Variants in ARHGAP44 observed in about 807,000 individuals in gnomAD.
ARHGAP44 encodes the protein rho GTPase-activating protein 44.
In ARHGAP44, 43 loss-of-function variants were observed where a neutral mutation model predicts 106.8. That is an observed-to-expected ratio of 0.40 (90% CI 0.32 to 0.52). The LOEUF (loss-of-function observed/expected upper bound fraction) is 0.52. Ranked by LOEUF, ARHGAP44 falls within the 20% of genes least tolerant of loss-of-function variation. ARHGAP44 has a pLI of 0.48. For missense variants in ARHGAP44, 866 were observed against 1,050.5 expected (o/e 0.82, Z 2.43); for synonymous variants, 439 against 410.3 (o/e 1.07, Z -0.85).
At chr17:12,989,238 C>T (rs73296511) in intron 20 of ARHGAP44, among the ~76,000 whole-genome samples, 114 of 152,000 alleles carry the variant, frequency 7.5e-4, no homozygotes, top group African/African-American at 2.5e-3. Flanking sequence ...AGCACAGCCT[C>T]GTCAGTGTCC....
chr17:12,956,836 C>T, intron 15 of ARHGAP44, 90 bp downstream of exon 15: 1 of 1,092,378 alleles, frequency 9.2e-7, no homozygotes, highest in Non-Finnish European at 1.3e-6. Flanking sequence ...GTACCACTGC[C>T]CACAGGCTTT....
intron 1 of ARHGAP44, among the ~76,000 whole-genome samples, chr17:12,889,529 C>T (rs1284779598): frequency 2.6e-5 from 4 of 152,200 alleles, no homozygotes; most frequent in Non-Finnish European, 5.9e-5. Context: ...TTAGATCCCA[C>T]TTCTCAACAC....
chr17:12,964,283 T>C (rs919889719), intron 16 of ARHGAP44, among the ~76,000 whole-genome samples: 2 of 150,716 alleles, frequency 1.3e-5, no homozygotes, highest in Non-Finnish European at 3.0e-5. Flanking sequence ...CCTGGTCAAA[T>C]CAATTTTTTT....
chr17:12,903,281 G>A (rs1373344751), intron 3 of ARHGAP44, among the ~76,000 whole-genome samples: 2 of 151,730 alleles, frequency 1.3e-5, no homozygotes, highest in African/African-American at 4.8e-5. Context: ...AGAGAGAATA[G>A]TCATCTCAGA....
intron 1 of ARHGAP44, among the ~76,000 whole-genome samples, chr17:12,810,077 G>T (rs946259094): frequency 6.6e-6 from 1 of 151,246 alleles, no homozygotes; most frequent in African/African-American, 2.5e-5. Context: ...GGAATGGCCT[G>T]TGGGGCATTA....
rs375621000 is a variant in ARHGAP44 at position 12,967,892 on chromosome 17, A to G, written c.1524-5410A>G. On this transcript the variant is annotated intron_variant, in intron 16 of 20. Coordinates refer to ENST00000379672, the MANE Select transcript of ARHGAP44 (RefSeq NM_014859.6). Reference sequence around the variant, plus strand: ...ACGGTGTGAAAGTCATAACCCTATAAATAGCCCTGCATGCAGAGTCTTGAG... The same window carrying G: ...ACGGTGTGAAAGTCATAACCCTATAGATAGCCCTGCATGCAGAGTCTTGAG... 1.1e-3 allele frequency among the ~76,000 whole-genome samples: 170 copies of G among 152,254 alleles called. 4 individuals carry two copies. In the South Asian group the frequency reaches 0.034, roughly 30 times the overall value.
At chr17:12,963,206 G>A (rs1489467612) in intron 16 of ARHGAP44, among the ~76,000 whole-genome samples, 1 of 152,110 alleles carries the variant, frequency 6.6e-6, no homozygotes, top group Non-Finnish European at 1.5e-5. Flanking sequence ...TGTCCTCCCA[G>A]GGAGTGTTGG....
intron 19 of ARHGAP44, among the ~76,000 whole-genome samples, chr17:12,983,611 C>T (rs1169097522): frequency 1.3e-5 from 2 of 152,270 alleles, no homozygotes; most frequent in South Asian, 2.1e-4. Context: ...TCAAGACCAG[C>T]CTGACCAACA....
At chr17:12,872,844 G>A (rs1209126773) in intron 1 of ARHGAP44, among the ~76,000 whole-genome samples, 1 of 151,282 alleles carries the variant, frequency 6.6e-6, no homozygotes, top group African/African-American at 2.4e-5. Flanking sequence ...AATCATACAT[G>A]ACTTTACTTT....
intron 8 of ARHGAP44, 68 bp from the exon 9 acceptor site, chr17:12,943,520 T>C (rs767959960): frequency 4.7e-6 from 7 of 1,502,630 alleles, no homozygotes; most frequent in Middle Eastern, 1.7e-4. Context: ...TGCAAAATGC[T>C]TTGCATGCCA....
intron 1 of ARHGAP44, among the ~76,000 whole-genome samples, chr17:12,835,523 A>C (rs1189438073): frequency 6.6e-6 from 1 of 152,144 alleles, no homozygotes; most frequent in African/African-American, 2.4e-5. Context: ...AAAAAGATAA[A>C]ATGAGTATTT....
chr17:12,827,942 G>A (rs1299851113), intron 1 of ARHGAP44, among the ~76,000 whole-genome samples: 1 of 151,072 alleles, frequency 6.6e-6, no homozygotes, highest in African/African-American at 2.4e-5. Flanking sequence ...AGGAGGCTGA[G>A]GCAGGAGAAT....
Position 12,984,883 on chromosome 17 carries a change from G to C in ARHGAP44, c.2292G>C (p.Met764Ile). ...QSTEAPMLDG[M>I]SPGESMSTDL... ...CGGAGGCCCCCATGCTAGATGGCATGTCCCCTGGGGAAAGCATGTCTACAG... is the reference window on the plus strand; with the variant it reads ...CGGAGGCCCCCATGCTAGATGGCATCTCCCCTGGGGAAAGCATGTCTACAG... Residue 764 changes from methionine (M) to isoleucine (I), a missense_variant, in exon 20 of 21, where the codon ATG becomes ATC. Met to Ile is a conservative substitution (Grantham distance 10). Around this residue, in one of 2 missense-constraint regions of ARHGAP44, gnomAD observed 418 missense variants for 403.6 expected, o/e 1.04. Coordinates refer to ENST00000379672, the MANE Select transcript of ARHGAP44 (RefSeq NM_014859.6). The C allele has an allele frequency of 6.2e-7, 1 of 1,611,030 alleles. No individual in the cohort carries two copies. Among genetic ancestry groups the C allele is most frequent in the East Asian group, 2.2e-5 (1 of 44,790 alleles).
At chr17:12,911,820 C>T (rs561678560) in intron 4 of ARHGAP44, among the ~76,000 whole-genome samples, 24 of 152,250 alleles carry the variant, frequency 1.6e-4, no homozygotes, top group African/African-American at 4.8e-4. Flanking sequence ...TACTCCACAG[C>T]CGTCTTCTTC....
intron 10 of ARHGAP44, among the ~76,000 whole-genome samples, chr17:12,945,973 G>C (rs1161555661): frequency 6.6e-6 from 1 of 151,866 alleles, no homozygotes; most frequent in African/African-American, 2.4e-5. Flanking sequence ...TGGCCAGGCT[G>C]GTCTTGAACT....
chr17:12,934,257 A>G (rs993271979), intron 7 of ARHGAP44, among the ~76,000 whole-genome samples: 1 of 152,026 alleles, frequency 6.6e-6, no homozygotes, highest in Non-Finnish European at 1.5e-5. Flanking sequence ...TTCTTCTTCA[A>G]TGTATAATCT....
At chr17:12,857,511 T>TAATTAG (rs778281356) in intron 1 of ARHGAP44, among the ~76,000 whole-genome samples, 16 of 152,180 alleles carry the variant, frequency 1.1e-4, no homozygotes, top group Admixed American at 5.9e-4. Context: ...CCCATCCTGA[T>TAATTAG]GACCTTATCT....
intron 13 of ARHGAP44, among the ~76,000 whole-genome samples, chr17:12,954,770 G>GT (rs983776382): frequency 4.0e-5 from 6 of 151,686 alleles, no homozygotes; most frequent in Admixed American, 1.3e-4. Flanking sequence ...TGCCAGAGCT[G>GT]TTTTTTTTGA....
chr17:12,974,419 C>A, intron 18 of ARHGAP44, 109 bp downstream of exon 18: 2 of 952,502 alleles, frequency 2.1e-6, no homozygotes, highest in Non-Finnish European at 2.8e-6. Flanking sequence ...TGCCCCCGCC[C>A]CCATTTCTAA....
Sources: gnomAD v4.1 joint callset for allele counts (sites outside exome capture counted in the v4.1 genomes callset) on GRCh38, gnomAD v4.1.1 for gene constraint, gnomAD v4.1.1 regional missense constraint, MANE v1.5 for transcripts, NCBI Gene and HGNC (gene_info 2026-07-23, HGNC 2026-07-21) for gene names.